Variants in CREM observed in about 807,000 individuals in gnomAD.
CREM encodes cAMP responsive element modulator, also known as cAMP-responsive element modulator.
In CREM, 13 loss-of-function variants were observed where a neutral mutation model predicts 37.3. That is an observed-to-expected ratio of 0.35 (90% CI 0.23 to 0.55). The LOEUF (loss-of-function observed/expected upper bound fraction) is 0.55. CREM is among the 20% of genes least tolerant of loss of function. The pLI is 0.88. For missense variants in CREM, 296 were observed against 362.3 expected, an observed-to-expected ratio of 0.82 and a Z score of 1.49; for synonymous variants, 124 against 120.2, an observed-to-expected ratio of 1.03 and a Z score of -0.21.
intron 3 of CREM, among the ~76,000 whole-genome samples, chr10:35,149,774 C>CACCCACTCA (rs2092440703): frequency 6.6e-6 from 1 of 152,036 alleles, no homozygotes; most frequent in African/African-American, 2.4e-5. Context: ...AAGCTGCCAA[C>CACCCACTCA]ACCCACTCGT....
intron 2 of CREM, among the ~76,000 whole-genome samples, chr10:35,142,320 A>G (rs559178862): frequency 7.2e-5 from 11 of 152,200 alleles, no homozygotes; most frequent in Non-Finnish European, 1.2e-4. Flanking sequence ...CATGGGCTCC[A>G]AACAACAGAT....
Position 35,212,437 on chromosome 10 carries a change from T to C in CREM, c.*1039T>C, listed in dbSNP as rs547454008. 58 of 152,898 alleles carry C rather than the reference T, an allele frequency of 3.8e-4. No homozygotes were observed. The highest frequency in any genetic ancestry group is 1.3e-3 in the African/African-American group (56 of 41,590). The allele number at this position is 152,898 out of a possible 1,614,324, so 9.5% of individuals were successfully genotyped here. On this transcript the variant is annotated 3_prime_UTR_variant, in exon 8 of 8. Coordinates refer to ENST00000685392, the MANE Select transcript of CREM (RefSeq NM_183011.2). Reference sequence around the variant, plus strand: ...GAACATTTACTACAGTTTTTAACTCTACTGTGTAATATAAAAGATCTTGCA... The same window carrying C: ...GAACATTTACTACAGTTTTTAACTCCACTGTGTAATATAAAAGATCTTGCA...
chr10:35,160,192 A>G (rs1589658306), intron 3 of CREM, among the ~76,000 whole-genome samples: 1 of 152,188 alleles, frequency 6.6e-6, no homozygotes, highest in East Asian at 1.9e-4. Context: ...TATACTGAAT[A>G]CTACAGGCAA....
At chr10:35,182,397 C>G (rs941326313) in intron 5 of CREM, among the ~76,000 whole-genome samples, 6 of 150,448 alleles carry the variant, frequency 4.0e-5, no homozygotes, top group Admixed American at 4.0e-4. Context: ...TTTTAATGCT[C>G]TTTCATAACC....
intron 3 of CREM, chr10:35,158,446 C>T: frequency 3.4e-6 from 1 of 290,026 alleles, no homozygotes; most frequent in South Asian, 3.1e-5. Flanking sequence ...TTGAACAGTG[C>T]CGCCTGCAGA....
At chr10:35,142,559 T>C (rs1176394713) in intron 2 of CREM, among the ~76,000 whole-genome samples, 1 of 152,156 alleles carries the variant, frequency 6.6e-6, no homozygotes, top group Non-Finnish European at 1.5e-5. Flanking sequence ...GGAGGCAAAC[T>C]CCATCAGTTT....
intron 1 of CREM, among the ~76,000 whole-genome samples, chr10:35,134,624 CTG>C (rs1319085623): frequency 6.6e-6 from 1 of 152,200 alleles, no homozygotes; most frequent in Non-Finnish European, 1.5e-5. Flanking sequence ...ATTACCCTCT[CTG>C]TAATATATAA....
chr10:35,166,340 A>C (rs1419274321), intron 3 of CREM, among the ~76,000 whole-genome samples: 1 of 152,116 alleles, frequency 6.6e-6, no homozygotes, highest in Non-Finnish European at 1.5e-5. Context: ...AGGCGGGTAG[A>C]TTACCTGAGG....
chr10:35,211,445 C>T lies in CREM; in HGVS notation c.*47C>T. 1 of 1,591,506 alleles carries T rather than the reference C, an allele frequency of 6.3e-7. No homozygotes were observed. The highest frequency in any genetic ancestry group is 2.2e-5 in the East Asian group (1 of 44,716). On this transcript the variant is annotated 3_prime_UTR_variant, in exon 8 of 8. Transcript: ENST00000685392. ...TTTACTCTAATCAAGGCAGGAGATG[C>T]AGCAGTCCTACTTATTGCCATGTGG...
At chr10:35,197,811 T>G (rs2095255520) in intron 6 of CREM, among the ~76,000 whole-genome samples, 1 of 152,110 alleles carries the variant, frequency 6.6e-6, no homozygotes, top group Non-Finnish European at 1.5e-5. Context: ...GGGACTTTTT[T>G]GAAGGTGTAG....
chr10:35,184,683 TAAAATG>T, intron 5 of CREM, among the ~76,000 whole-genome samples: 1 of 152,200 alleles, frequency 6.6e-6, no homozygotes, highest in South Asian at 2.1e-4. Flanking sequence ...CCCCAGAAAA[TAAAATG>T]AGAAACAGAT....
At position 35,210,224 on chromosome 10, in the gene CREM, C is replaced by T. The variant is rs577929630; in HGVS notation, c.756-1030C>T. ...CTTTTTTGACATGAAGGGTGATCTA[C>T]CTCAAAGGCAGTTATTCTGGAATTG... On this transcript the variant is annotated intron_variant, in intron 7 of 7. Transcript: ENST00000685392. 6.6e-5 allele frequency among the ~76,000 whole-genome samples: 10 copies of T among 152,062 alleles called. No individual in the cohort carries two copies. In the South Asian group the frequency reaches 1.9e-3, roughly 28 times the overall value.
chr10:35,200,553 A>G (rs973066491), intron 6 of CREM, among the ~76,000 whole-genome samples: 3 of 152,182 alleles, frequency 2.0e-5, no homozygotes, highest in Admixed American at 2.0e-4. Flanking sequence ...ATTTTTATGT[A>G]GGGTTTAATT....
chr10:35,179,390 T>C, intron 5 of CREM, 114 bp downstream of exon 5: 2 of 1,131,280 alleles, frequency 1.8e-6, no homozygotes, highest in Non-Finnish European at 2.5e-6. Flanking sequence ...GCATCATTAA[T>C]ACCTAAACTG....
intron 1 of CREM, among the ~76,000 whole-genome samples, chr10:35,135,721 GAA>G (rs9336981): frequency 0.034 from 1,709 of 50,568 alleles, 29 homozygotes; most frequent in East Asian, 0.12. Context: ...CCTATTTCTG[GAA>G]AAAAAAAAAA....
At chr10:35,172,063 C>G (rs907586728) in intron 3 of CREM, among the ~76,000 whole-genome samples, 1 of 152,102 alleles carries the variant, frequency 6.6e-6, no homozygotes, top group Non-Finnish European at 1.5e-5. Context: ...AGATCATGTC[C>G]CAATTTCCTG....
chr10:35,197,940 A>C (rs183205851), intron 6 of CREM, among the ~76,000 whole-genome samples: 41 of 152,274 alleles, frequency 2.7e-4, no homozygotes, highest in Admixed American at 2.0e-3. Context: ...ACCCACGTTA[A>C]TTATCACGGC....
At chr10:35,146,387 T>A (rs73260861) in intron 2 of CREM, among the ~76,000 whole-genome samples, 1 of 152,230 alleles carries the variant, frequency 6.6e-6, no homozygotes, top group Non-Finnish European at 1.5e-5. Context: ...CACTAGCAGA[T>A]TGAAGCTTTT....
At chr10:35,175,248 C>T (rs1256023351) in intron 3 of CREM, among the ~76,000 whole-genome samples, 8 of 149,308 alleles carry the variant, frequency 5.4e-5, no homozygotes, top group Admixed American at 1.3e-4. Context: ...GAGATCGAGA[C>T]CATCCTGGCT....
Sources: allele counts gnomAD v4.1 joint callset (sites outside exome capture counted in the v4.1 genomes callset), GRCh38; gene constraint gnomAD v4.1.1; transcripts MANE v1.5; gene names NCBI Gene and HGNC (gene_info 2026-07-23, HGNC 2026-07-21).